IQCK: variants seen among roughly 807,000 people sequenced by gnomAD.
IQCK encodes IQ domain-containing protein K.
A neutral mutation model predicts 28.1 loss-of-function variants in IQCK; 29 were observed. The observed-to-expected ratio is 1.03, with a 90% confidence interval of 0.77 to 1.41. The LOEUF is 1.41. Ranked by LOEUF, IQCK falls within the 40% of genes most tolerant of loss-of-function variation. The pLI, the probability that IQCK is intolerant of heterozygous loss-of-function variation, is 0.00. For synonymous variants in IQCK, 113 were observed against 115.1 expected (o/e 0.98, Z 0.12); for missense variants, 359 against 314.7 (o/e 1.14, Z -1.07).
chr16:19,774,466 G>A (rs954415022), intron 6 of IQCK, among the ~76,000 whole-genome samples: 19 of 136,212 alleles, frequency 1.4e-4, no homozygotes, highest in African/African-American at 4.5e-4. Context: ...GGAGTGCAGC[G>A]ATGCGATCTT....
At chr16:19,741,271 A>G (rs543357204) in intron 4 of IQCK, among the ~76,000 whole-genome samples, 2 of 152,314 alleles carry the variant, frequency 1.3e-5, no homozygotes, top group South Asian at 2.1e-4. Flanking sequence ...ACCTTGGTGC[A>G]TGTATATTCC....
intron 1 of IQCK, among the ~76,000 whole-genome samples, chr16:19,725,827 A>C (rs2151674931): frequency 6.6e-6 from 1 of 152,316 alleles, no homozygotes; most frequent in Middle Eastern, 3.4e-3. Context: ...CTACATAATC[A>C]TTTCAACTGT....
intron 6 of IQCK, among the ~76,000 whole-genome samples, chr16:19,768,756 A>AC (rs1311411687): frequency 6.6e-6 from 1 of 152,160 alleles, no homozygotes; most frequent in African/African-American, 2.4e-5. Context: ...AAAAAAACAA[A>AC]AAACAAACAA....
intron 7 of IQCK, among the ~76,000 whole-genome samples, chr16:19,803,600 G>T (rs1179247446): frequency 6.6e-6 from 1 of 152,128 alleles, no homozygotes; most frequent in Non-Finnish European, 1.5e-5. Context: ...TTTAGATGAA[G>T]AATAATAATA....
chr16:19,786,483 A>G (rs1812446171), intron 6 of IQCK, among the ~76,000 whole-genome samples: 1 of 146,666 alleles, frequency 6.8e-6, no homozygotes, highest in African/African-American at 2.7e-5. Flanking sequence ...GGATCACCAG[A>G]GGTCAGGAGT....
chr16:19,856,805 G>A (rs1377076564), exon 10 of IQCK: 8 of 446,162 alleles, frequency 1.8e-5, no homozygotes, highest in Non-Finnish European at 3.2e-5. Flanking sequence ...CAGTGCCTCA[G>A]GAGTATTCTT....
intron 4 of IQCK, among the ~76,000 whole-genome samples, chr16:19,756,278 G>C (rs916499214): frequency 3.9e-5 from 6 of 152,182 alleles, no homozygotes; most frequent in Admixed American, 6.5e-5. Flanking sequence ...CTGAGTCCTA[G>C]AGTAAAGACA....
chr16:19,744,746 A>G (rs2054883153), intron 4 of IQCK, among the ~76,000 whole-genome samples: 1 of 152,248 alleles, frequency 6.6e-6, no homozygotes, highest in African/African-American at 2.4e-5. Context: ...AAATAAAGCC[A>G]ATGGCCTTCT....
exon 10 of IQCK, chr16:19,856,799 G>A (rs967182328): frequency 2.2e-6 from 1 of 464,084 alleles, no homozygotes; most frequent in Non-Finnish European, 3.8e-6. Flanking sequence ...CTTCTTCAGT[G>A]CCTCAGGAGT....
chr16:19,850,927 G>T (rs1164084743), intron 9 of IQCK, among the ~76,000 whole-genome samples: 1 of 152,176 alleles, frequency 6.6e-6, no homozygotes, highest in African/African-American at 2.4e-5. Context: ...GGAGGCTGAA[G>T]TGGAAGGACC....
intron 7 of IQCK, among the ~76,000 whole-genome samples, chr16:19,826,475 T>C (rs920435565): frequency 6.6e-6 from 1 of 152,188 alleles, no homozygotes; most frequent in Non-Finnish European, 1.5e-5. Context: ...CCTCCCGGGT[T>C]CAAGCAATTC....
At chr16:19,751,880 T>C (rs2054991655) in intron 4 of IQCK, among the ~76,000 whole-genome samples, 1 of 152,192 alleles carries the variant, frequency 6.6e-6, no homozygotes, top group Non-Finnish European at 1.5e-5. Context: ...CTTTCTGATC[T>C]TCCGATTATA....
At chr16:19,722,719 T>G (rs148566624) in intron 1 of IQCK, among the ~76,000 whole-genome samples, 2 of 152,058 alleles carry the variant, frequency 1.3e-5, no homozygotes, top group East Asian at 3.9e-4. Context: ...AGCTTTTTTT[T>G]TTTTTTCCTT....
chr16:19,778,035 A>G (rs188579746), intron 6 of IQCK, among the ~76,000 whole-genome samples: 4 of 151,952 alleles, frequency 2.6e-5, no homozygotes, highest in Non-Finnish European at 5.9e-5. Flanking sequence ...CCCGGGTGAC[A>G]GTGCAGGACT....
At chr16:19,809,239 T>G (rs1386007832) in intron 7 of IQCK, among the ~76,000 whole-genome samples, 2 of 152,232 alleles carry the variant, frequency 1.3e-5, no homozygotes, top group Non-Finnish European at 2.9e-5. Context: ...TCTAGTCCCT[T>G]CTGCTGAGTA....
At chr16:19,728,070 C>T (rs1840150742) in intron 1 of IQCK, among the ~76,000 whole-genome samples, 1 of 151,540 alleles carries the variant, frequency 6.6e-6, no homozygotes, top group African/African-American at 2.4e-5. Flanking sequence ...ATCTGGTGAG[C>T]CCTTAAAAGA....
intron 6 of IQCK, among the ~76,000 whole-genome samples, chr16:19,778,969 G>A (rs1311934522): frequency 6.6e-6 from 1 of 152,128 alleles, no homozygotes; most frequent in African/African-American, 2.4e-5. Flanking sequence ...CACAAAGTTG[G>A]TGCTTAAAAC....
chr16:19,833,889 G>A (rs545026619), intron 9 of IQCK, among the ~76,000 whole-genome samples: 144 of 152,056 alleles, frequency 9.5e-4, no homozygotes, highest in African/African-American at 3.3e-3. Flanking sequence ...CTAGGAGTTC[G>A]AGACCAGCCT....
chr16:19,838,390 G>T (rs1836601110), intron 9 of IQCK, among the ~76,000 whole-genome samples: 1 of 152,174 alleles, frequency 6.6e-6, no homozygotes, highest in Non-Finnish European at 1.5e-5. Context: ...GTTTAAAGGA[G>T]ATTTTTGTGA....
Sources: gnomAD v4.1 joint callset for allele counts (sites outside exome capture counted in the v4.1 genomes callset) on GRCh38, gnomAD v4.1.1 for gene constraint, MANE v1.5 for transcripts, NCBI Gene and HGNC (gene_info 2026-07-23, HGNC 2026-07-21) for gene names.